The following PADI3 variants were observed in gnomAD, a reference collection of about 807,000 sequenced individuals.
PADI3 encodes the protein protein-arginine deiminase type-3.
A neutral mutation model predicts 71.5 loss-of-function variants in PADI3; 53 were observed. The observed-to-expected ratio is 0.74, with a 90% CI of 0.59 to 0.93. The LOEUF is 0.93. Among genes scored for constraint, PADI3 ranks in the 40% least tolerant of loss-of-function variants. The pLI is 0.00. For missense variants in PADI3, 821 were observed against 868.0 expected, an observed-to-expected ratio of 0.95 and a Z score of 0.68; for synonymous variants, 361 against 347.5, an observed-to-expected ratio of 1.04 and a Z score of -0.43.
intron 14 of PADI3, 106 bp downstream of exon 14, chr1:17,280,535 G>A: frequency 6.6e-7 from 1 of 1,503,770 alleles, no homozygotes; most frequent in Non-Finnish European, 9.2e-7. Context: ...GAAAGCTCAG[G>A]TTAGAACAGG....
chr1:17,266,754 C>T lies in PADI3; in HGVS notation c.444C>T (p.Gly148=). 1 of 1,614,144 alleles carries T rather than the reference C, an allele frequency of 6.2e-7. No homozygotes were observed. Among genetic ancestry groups the T allele is most frequent in the Non-Finnish European group, 8.5e-7 (1 of 1,180,002 alleles). The part of the protein sequence containing the change: ...QWVWGPSGYG[G]ILLVNCDRDD... ...TCTGGGGGCCCAGTGGGTATGGCGG[C>T]ATCTTGCTGGTGAACTGTGACCGTG... is the stretch of plus-strand genomic sequence containing the variant. Residue 148 remains glycine (G), a synonymous_variant, in exon 5 of 16, where the codon GGC becomes GGT. Coordinates refer to ENST00000375460, the MANE Select transcript of PADI3 (RefSeq NM_016233.2).
chr1:17,283,586 G>A lies in PADI3; in HGVS notation c.*507G>A, dbSNP rs2073429092. 1 of 155,806 alleles carries A rather than the reference G, an allele frequency of 6.4e-6. No individual in the cohort carries two copies. Among genetic ancestry groups the A allele is most frequent in the African/African-American group, 2.4e-5 (1 of 41,478 alleles). 9.7% of individuals were successfully genotyped at this position (155,806 alleles called of 1,614,324 possible). A position where few individuals can be genotyped will look rare whatever the true frequency, so the allele number is the denominator to read the frequency against. ...CTAAAGCCTCCCCCATAAAAAGGGAGCTGTGGATCCACTTAGATCAGGGCG... is the reference window on the plus strand; with the variant it reads ...CTAAAGCCTCCCCCATAAAAAGGGAACTGTGGATCCACTTAGATCAGGGCG... On this transcript the variant is annotated 3_prime_UTR_variant, in exon 16 of 16. Transcript: ENST00000375460.
rs754760992 is a variant in PADI3 at position 17,266,825 on chromosome 1, A to G, written c.515A>G (p.His172Arg). Residue 172 changes from histidine to arginine, a missense_variant, in exon 5 of 16, where the codon CAC (histidine) becomes CGC (arginine). Physicochemically the swap from His to Arg is conservative, Grantham distance 29. Coordinates refer to ENST00000375460, the MANE Select transcript of PADI3 (RefSeq NM_016233.2). Reference protein sequence around the residue: ...DVQDNCDQHVHCLQDLEDMSV... With the variant: ...DVQDNCDQHVRCLQDLEDMSV... ...CAGGACAATTGTGACCAGCACGTGC[A>G]CTGCCTGCAAGGTGAGGCCGGGGCA... The G allele has an allele frequency of 1.9e-6, 3 of 1,613,438 alleles. No individual in the cohort carries two copies. The highest frequency in any genetic ancestry group is 2.2e-5 in the South Asian group (2 of 91,066).
intron 2 of PADI3, among the ~76,000 whole-genome samples, chr1:17,260,737 G>T (rs2073092765): frequency 6.6e-6 from 1 of 152,216 alleles, no homozygotes; most frequent in Non-Finnish European, 1.5e-5. Context: ...AACTAAGAAG[G>T]AGAAGGGGTG....
intron 9 of PADI3, 111 bp downstream of exon 9, chr1:17,271,289 A>G: frequency 1.2e-6 from 1 of 866,574 alleles, no homozygotes; most frequent in Admixed American, 2.7e-5. Context: ...TCCCCAGGGA[A>G]CTTGCTGCCG....
At position 17,283,293 on chromosome 1, in the gene PADI3, C is replaced by T. The variant is rs2100609905; in HGVS notation, c.*214C>T. ...CTCAGACTTGAATCTTCTCGGCCCC[C>T]CAAAAAGAAGGACCTCATTTCTTAT... On this transcript the variant is annotated 3_prime_UTR_variant, in exon 16 of 16. Transcript: ENST00000375460. 1.8e-6 allele frequency: 1 copy of T among 550,232 alleles called. No homozygotes were observed. The highest frequency in any genetic ancestry group is 3.3e-5 in the Admixed American group (1 of 30,610). 34.1% of individuals were successfully genotyped at this position (550,232 alleles called of 1,614,324 possible). A position where few individuals can be genotyped will look rare whatever the true frequency, so the allele number is the denominator to read the frequency against.
chr1:17,266,742 T>A lies in PADI3; in HGVS notation c.432T>A (p.Ser144Arg). The stretch of plus-strand genomic sequence containing the variant: ...AGCGGCAGTGGGTCTGGGGGCCCAG[T>A]GGGTATGGCGGCATCTTGCTGGTGA... ...VDKRQWVWGP[S>R]GYGGILLVNC... Residue 144 changes from serine to arginine, a missense_variant, in exon 5 of 16, where the codon AGT becomes AGA. Ser to Arg is a moderately radical substitution (Grantham distance 110, BLOSUM62 -1). Coordinates refer to ENST00000375460, the MANE Select transcript of PADI3 (RefSeq NM_016233.2). 6.2e-7 allele frequency: 1 copy of A among 1,614,068 alleles called. No homozygotes were observed. The highest frequency in any genetic ancestry group is 1.1e-5 in the South Asian group (1 of 91,082).
intron 14 of PADI3, 91 bp downstream of exon 14, chr1:17,280,520 T>G (rs1314677870): frequency 2.0e-6 from 3 of 1,490,634 alleles, no homozygotes; most frequent in Non-Finnish European, 2.8e-6. Flanking sequence ...AGGCTAACTG[T>G]TCATGAAAGC....
At chr1:17,281,614 G>T (rs755034958) in intron 15 of PADI3, among the ~76,000 whole-genome samples, 2 of 152,010 alleles carry the variant, frequency 1.3e-5, no homozygotes, top group African/African-American at 4.8e-5. Flanking sequence ...CACCACGCCC[G>T]GCTAATTTCT....
At chr1:17,273,060 G>A (rs1357812437) in intron 9 of PADI3, among the ~76,000 whole-genome samples, 1 of 152,126 alleles carries the variant, frequency 6.6e-6, no homozygotes, top group Non-Finnish European at 1.5e-5. Flanking sequence ...CCTTGGCCCA[G>A]TACTCACAGG....
chr1:17,264,387 G>T (rs1203230879), intron 3 of PADI3, among the ~76,000 whole-genome samples: 2 of 150,624 alleles, frequency 1.3e-5, no homozygotes, highest in African/African-American at 4.9e-5. Context: ...GCAAATCAAA[G>T]AATAGCTCAG....
At position 17,276,613 on chromosome 1, in the gene PADI3, G is replaced by A. The variant is rs534887968; in HGVS notation, c.1402G>A (p.Val468Met). 2.2e-5 allele frequency: 35 copies of A among 1,614,186 alleles called. No homozygotes were observed. The highest frequency in any genetic ancestry group is 4.4e-5 in the South Asian group (4 of 91,088). The stretch of plus-strand genomic sequence containing the variant: ...GGAGCTCTTTGTGGACTGGTTGGCC[G>A]TGGGCCATGTGGATGAGTTTCTGAG... ...PVELFVDWLAVGHVDEFLSFV... is the reference protein window; with the variant it reads ...PVELFVDWLAMGHVDEFLSFV... Residue 468 changes from valine to methionine, a missense_variant, in exon 12 of 16, where the codon GTG becomes ATG. Physicochemically the swap from Val to Met is conservative, Grantham distance 21 (BLOSUM62 1). Coordinates refer to ENST00000375460, the MANE Select transcript of PADI3 (RefSeq NM_016233.2).
intron 13 of PADI3, among the ~76,000 whole-genome samples, chr1:17,279,315 C>T (rs1295924799): frequency 2.0e-5 from 3 of 152,220 alleles, no homozygotes; most frequent in Admixed American, 1.3e-4. Flanking sequence ...GTGCATCACA[C>T]GTGTTATCTC....
chr1:17,268,277 T>G (rs755389783), intron 6 of PADI3, among the ~76,000 whole-genome samples: 4 of 152,234 alleles, frequency 2.6e-5, no homozygotes, highest in Non-Finnish European at 4.4e-5. Flanking sequence ...AATCCCCATG[T>G]GCCTGTCACT....
Position 17,282,916 on chromosome 1 carries a change from G to A in PADI3, c.1832G>A (p.Cys611Tyr). 6.2e-7 allele frequency: 1 copy of A among 1,614,124 alleles called. No homozygotes were observed. The highest frequency in any genetic ancestry group is 8.5e-7 in the Non-Finnish European group (1 of 1,179,986). The change falls in exon 16 of 16, where the codon TGC becomes TAC. Residue 611 changes from cysteine to tyrosine, a missense_variant. Physicochemically the swap from Cys to Tyr is radical, Grantham distance 194. Transcript: ENST00000375460. ...KPFGPIINGC[C>Y]CLEEKVRSLL... The stretch of plus-strand genomic sequence containing the variant: ...TTTGGGCCCATCATCAATGGCTGCT[G>A]CTGCCTGGAGGAGAAGGTGCGGTCC...
At chr1:17,261,824 G>A (rs143705853) in intron 2 of PADI3, among the ~76,000 whole-genome samples, 1 of 152,286 alleles carries the variant, frequency 6.6e-6, no homozygotes, top group African/African-American at 2.4e-5. Flanking sequence ...CCCAAACCCT[G>A]CCCAGCCCAA....
Position 17,280,445 on chromosome 1 carries a change from T to C in PADI3, c.1635+16T>C. ...GTTTGTGCAGGTACAAGGGCTGTGG[T>C]GTACCTGTGGGCTGTGATTTGGGAG... On this transcript the variant is annotated intron_variant, in intron 14 of 15. Coordinates refer to ENST00000375460, the MANE Select transcript of PADI3 (RefSeq NM_016233.2). The C allele has an allele frequency of 2.5e-6, 4 of 1,606,580 alleles. No individual in the cohort carries two copies. Among genetic ancestry groups the C allele is most frequent in the Non-Finnish European group, 3.4e-6 (4 of 1,173,066 alleles).
chr1:17,280,615 T>C (rs1291613765), intron 14 of PADI3, 56 bp from the exon 15 acceptor site: 1 of 1,610,620 alleles, frequency 6.2e-7, no homozygotes, highest in East Asian at 2.2e-5. Context: ...GATGCCTTGG[T>C]GCCCCCAAAA....
At chr1:17,254,016 G>T (rs891322793) in intron 1 of PADI3, among the ~76,000 whole-genome samples, 5 of 152,200 alleles carry the variant, frequency 3.3e-5, no homozygotes, top group Non-Finnish European at 7.3e-5. Flanking sequence ...GCTCTGACCT[G>T]CCTGTGCAGA....
Sources: gnomAD v4.1 joint callset for allele counts (sites outside exome capture counted in the v4.1 genomes callset) on GRCh38, gnomAD v4.1.1 for gene constraint, MANE v1.5 for transcripts, NCBI Gene and HGNC (gene_info 2026-07-23, HGNC 2026-07-21) for gene names.